The following LCN8 variants were observed in gnomAD, a reference collection of about 807,000 sequenced individuals.
LCN8 encodes the protein epididymal-specific lipocalin-8.
A neutral mutation model predicts 22.8 loss-of-function variants in LCN8; 16 were observed. The ratio of observed to expected loss-of-function variants is 0.70; its 90% CI spans 0.47 to 1.06. LCN8 has a LOEUF of 1.06. Among genes scored for constraint, LCN8 ranks in the 50% least tolerant of loss-of-function variants. The pLI, the probability that LCN8 is intolerant of heterozygous loss-of-function variation, is 0.00. For synonymous variants in LCN8, 92 were observed against 83.4 expected, an observed-to-expected ratio of 1.10 and a Z score of -0.56; for missense variants, 189 against 203.3, an observed-to-expected ratio of 0.93 and a Z score of 0.43.
intron 6 of LCN8, chr9:136,754,868 C>T: frequency 7.3e-7 from 1 of 1,365,030 alleles, no homozygotes; most frequent in East Asian, 2.7e-5. Flanking sequence ...CCCCACCCAG[C>T]TCTGCACCCC....
intron 1 of LCN8, 99 bp downstream of exon 1, chr9:136,757,808 C>A (rs538414040): frequency 7.5e-6 from 12 of 1,607,064 alleles, no homozygotes; most frequent in South Asian, 3.3e-5. Context: ...CGGGCACCAG[C>A]GTCCCCACGA....
At chr9:136,758,530 G>C, upstream of LCN8, 1 of 989,634 alleles carries the variant, frequency 1.0e-6, no homozygotes, top group Non-Finnish European at 1.2e-6. Flanking sequence ...GAGGGCCTCT[G>C]CTGCACCAGG....
rs373935648 is a variant in LCN8, at chr9:136,755,585, A to T, written c.227-69T>A. 61 of 1,551,036 alleles carry T rather than the reference A, an allele frequency of 3.9e-5. No homozygotes were observed. The African/African-American group carries it at 7.5e-4, about 19-fold the overall frequency. On this transcript the variant is annotated intron_variant, in intron 3 of 6. Transcript: ENST00000371688. ...ACGGACCTCGAAGGCCAGGGTCTGCAGGGTCTAACTCCATCCTGCCCCCAC... is the reference window on the plus strand; with the variant it reads ...ACGGACCTCGAAGGCCAGGGTCTGCTGGGTCTAACTCCATCCTGCCCCCAC...
At chr9:136,757,858 G>A (rs1220275181) in intron 1 of LCN8, 49 bp downstream of exon 1, 2 of 1,613,434 alleles carry the variant, frequency 1.2e-6, no homozygotes, top group East Asian at 2.2e-5. Flanking sequence ...CTGAGCCTGA[G>A]GGGTTGGGGG....
Position 136,754,477 on chromosome 9 carries a change from T to C in LCN8, c.*21A>G. The C allele has an allele frequency of 1.3e-6, 2 of 1,557,308 alleles. No individual in the cohort carries two copies. Among genetic ancestry groups the C allele is most frequent in the Non-Finnish European group, 8.7e-7 (1 of 1,150,114 alleles). On this transcript the variant is annotated 3_prime_UTR_variant, in exon 7 of 7. Coordinates refer to ENST00000371688, the MANE Select transcript of LCN8 (RefSeq NM_178469.4). ...GGGTGGGCGGGCGCTCCGAACCTTGTGGTCTGAGGCAGGAACTCCATTAAA... is the reference window on the plus strand; with the variant it reads ...GGGTGGGCGGGCGCTCCGAACCTTGCGGTCTGAGGCAGGAACTCCATTAAA...
rs768446036 is a variant in LCN8 at position 136,755,157 on chromosome 9, C to A, written c.425G>T (p.Arg142Leu). 5.0e-6 allele frequency: 8 copies of A among 1,594,198 alleles called. No homozygotes were observed. Among genetic ancestry groups the A allele is most frequent in the Admixed American group, 1.7e-5 (1 of 57,898 alleles). ...CACCTCCTTCAGGAGCTCGGCACAC[C>A]GCCCTGCAGGATAGGCCAGCATGAG... ...TGLYLAARPG[R>L]CAELLKEELI Residue 142 changes from arginine (R) to leucine (L), a missense_variant, in exon 6 of 7, where the codon CGG (arginine) becomes CTG (leucine). Physicochemically the swap from Arg to Leu is moderately radical, Grantham distance 102 (BLOSUM62 -2). Coordinates refer to ENST00000371688, the MANE Select transcript of LCN8 (RefSeq NM_178469.4).
chr9:136,756,777 C>A (rs1404070811), intron 2 of LCN8, among the ~76,000 whole-genome samples, 185 bp from the exon 3 acceptor site: 1 of 152,220 alleles, frequency 6.6e-6, no homozygotes, highest in Non-Finnish European at 1.5e-5. Flanking sequence ...TCTGTTCCCT[C>A]CAGCCAGTCA....
intron 2 of LCN8, 126 bp downstream of exon 2, chr9:136,756,912 G>T: frequency 8.9e-7 from 1 of 1,124,992 alleles, no homozygotes; most frequent in Non-Finnish European, 1.3e-6. Flanking sequence ...GACGGGCACC[G>T]GGAGTGCTGG....
rs1389636513 is a variant in LCN8 at position 136,754,701 on chromosome 9, G to C, written c.448-192C>G. The C allele has an allele frequency of 2.1e-6, 3 of 1,412,148 alleles. No individual in the cohort carries two copies. The African/African-American group carries it at 4.4e-5, about 21-fold the overall frequency. The allele number at this position is 1,412,148 out of a possible 1,614,324, so 87.5% of individuals were successfully genotyped here. On this transcript the variant is annotated intron_variant, in intron 6 of 6. Transcript: ENST00000371688. ...GCCTCTAGGGCCAAGACAAAGCGAG[G>C]TGAGGGAGACACTGGGTTCTCGCAG...
At chr9:136,757,367 T>A in intron 1 of LCN8, 199 bp from the exon 2 acceptor site, 2 of 1,432,814 alleles carry the variant, frequency 1.4e-6, no homozygotes, top group South Asian at 3.0e-5. Flanking sequence ...CTTCAGGCCA[T>A]CAGACAGCAA....
chr9:136,757,530 C>T lies in LCN8; in HGVS notation c.25-362G>A, dbSNP rs559184405. On this transcript the variant is annotated intron_variant, in intron 1 of 6. Coordinates refer to ENST00000371688, the MANE Select transcript of LCN8 (RefSeq NM_178469.4). ...CCTGGAAAAGAAAGCCCGCAGGGCG[C>T]GGCGGAGTGAGAAACGCCAGAGAAC... 69 of 1,360,214 alleles carry T rather than the reference C, an allele frequency of 5.1e-5. 1 individual carries two copies. Among genetic ancestry groups the T allele is most frequent in the South Asian group, 2.8e-4 (17 of 61,138 alleles). 84.3% of individuals were successfully genotyped at this position (1,360,214 alleles called of 1,614,324 possible). A position where few individuals can be genotyped will look rare whatever the true frequency, so the allele number is the denominator to read the frequency against.
chr9:136,757,341 T>A (rs2131092251), intron 1 of LCN8, 173 bp from the exon 2 acceptor site: 1 of 1,445,652 alleles, frequency 6.9e-7, no homozygotes, highest in East Asian at 2.5e-5. Context: ...CAGGCATGTG[T>A]CCCTCCAAGC....
chr9:136,754,931 G>A, intron 6 of LCN8: 2 of 1,388,278 alleles, frequency 1.4e-6, no homozygotes, highest in Non-Finnish European at 1.9e-6. Context: ...CACCACCCTG[G>A]AGGTTCCAGC....
chr9:136,755,022 G>A, intron 6 of LCN8, 113 bp downstream of exon 6: 2 of 1,438,878 alleles, frequency 1.4e-6, no homozygotes, highest in Non-Finnish European at 1.8e-6. Context: ...GAAGGGGTGA[G>A]AAGGCCCAGC....
At chr9:136,754,866 A>T (rs1044829860) in intron 6 of LCN8, 4 of 1,361,038 alleles carry the variant, frequency 2.9e-6, no homozygotes, top group Admixed American at 3.4e-5. Context: ...TGCCCCACCC[A>T]GCTCTGCACC....
At chr9:136,754,765 C>A (rs1847142650) in intron 6 of LCN8, 6 of 1,379,526 alleles carry the variant, frequency 4.3e-6, no homozygotes, top group Non-Finnish European at 5.6e-6. Context: ...CCCGCAGGAT[C>A]TGTGCCCCGC....
At chr9:136,756,476 G>A (rs760233165) in intron 3 of LCN8, 46 bp downstream of exon 3, 25 of 1,613,904 alleles carry the variant, frequency 1.5e-5, no homozygotes, top group South Asian at 9.9e-5. Flanking sequence ...GCCTAGCTGT[G>A]TGCACAGCCG....
At chr9:136,758,381 G>A (rs1289145647), upstream of LCN8, 7 of 1,014,738 alleles carry the variant, frequency 6.9e-6, no homozygotes, top group African/African-American at 1.7e-5. Flanking sequence ...GCACTGATGG[G>A]CAACGGACCA....
At position 136,756,692 on chromosome 9, in the gene LCN8, C is replaced by T. The variant is rs112476138; in HGVS notation, c.156-100G>A. On this transcript the variant is annotated intron_variant, in intron 2 of 6. Transcript: ENST00000371688. ...GCTGTGTCTTTAGGAAGGGCACAGG[C>T]AGCACTGTGGAGTATCCCAGGCCTG... 41 of 1,527,230 alleles carry T rather than the reference C, an allele frequency of 2.7e-5. No individual in the cohort carries two copies. In the African/African-American group the frequency reaches 4.2e-4, roughly 16 times the overall value. The allele number at this position is 1,527,230 out of a possible 1,614,324, so 94.6% of individuals were successfully genotyped here.
Sources: gnomAD v4.1 joint callset for allele counts (sites outside exome capture counted in the v4.1 genomes callset) on GRCh38, gnomAD v4.1.1 for gene constraint, MANE v1.5 for transcripts, NCBI Gene and HGNC (gene_info 2026-07-23, HGNC 2026-07-21) for gene names.